SELENOT: variants seen among roughly 807,000 people sequenced by gnomAD.
SELENOT encodes thioredoxin reductase-like selenoprotein T.
In SELENOT, 9 loss-of-function variants were observed where a neutral mutation model predicts 24.3. The observed-to-expected ratio is 0.37, with a 90% CI of 0.22 to 0.65. The LOEUF (loss-of-function observed/expected upper bound fraction) is 0.65. Ranked by LOEUF, SELENOT falls within the 30% of genes least tolerant of loss-of-function variation. The probability of loss-of-function intolerance (pLI) is 0.60; values close to 1 mark genes in which losing one functional copy is unlikely to be tolerated. For missense variants in SELENOT, 166 were observed against 247.6 expected (o/e 0.67, Z 2.21); for synonymous variants, 81 against 86.0 (o/e 0.94, Z 0.32).
At chr3:150,611,466 T>C (rs906416083) in intron 1 of SELENOT, 14 of 1,189,174 alleles carry the variant, frequency 1.2e-5, no homozygotes, top group African/African-American at 1.0e-4. Flanking sequence ...TTACTTGTAA[T>C]TGGTATAAAT....
At position 150,603,427 on chromosome 3, in the gene SELENOT, A is replaced by G. The variant is rs552692190; in HGVS notation, c.65A>G (p.Asn22Ser). 31 of 1,613,388 alleles carry G rather than the reference A, an allele frequency of 1.9e-5. No homozygotes were observed. The highest frequency in any genetic ancestry group is 1.6e-4 in the African/African-American group (12 of 75,048). Residue 22 changes from asparagine (N) to serine (S), a missense_variant, in exon 1 of 6, where the codon AAT becomes AGT. Physicochemically the swap from Asn to Ser is conservative, Grantham distance 46. Around this residue, in one of 5 missense-constraint regions of SELENOT, gnomAD observed 46 missense variants for 49.3 expected, o/e 0.93. Coordinates refer to ENST00000471696, the MANE Select transcript of SELENOT (RefSeq NM_016275.5). ...SAMVRSEASANLGGVPSKRLK... is the reference protein window; with the variant it reads ...SAMVRSEASASLGGVPSKRLK... ...ATGGTCCGGAGCGAGGCCTCGGCCA[A>G]TCTGGGCGGCGTGCCCAGCAAGAGA...
chr3:150,604,993 C>T (rs964637289), intron 1 of SELENOT, among the ~76,000 whole-genome samples: 3 of 146,288 alleles, frequency 2.1e-5, no homozygotes, highest in African/African-American at 7.6e-5. Flanking sequence ...GCCGAGAACG[C>T]GCCATTGCAC....
chr3:150,612,631 T>C (rs1030860049), intron 1 of SELENOT, among the ~76,000 whole-genome samples: 1 of 152,218 alleles, frequency 6.6e-6, no homozygotes, highest in Non-Finnish European at 1.5e-5. Context: ...AATAAGAATA[T>C]AGCTAGCTAG....
intron 2 of SELENOT, among the ~76,000 whole-genome samples, chr3:150,622,806 AAAT>A (rs1726370112): frequency 6.6e-6 from 1 of 152,170 alleles, no homozygotes. Flanking sequence ...GTATTTCATA[AAAT>A]AATAGTATTT....
In SELENOT at chr3:150,623,102, G is replaced by A. The variant is rs1206723559; in HGVS notation, c.308G>A (p.Gly103Asp). Residue 103 changes from glycine (G) to aspartate (D), a missense_variant, in exon 3 of 6, where the codon GGC (glycine) becomes GAC (aspartate). Gly to Asp is a moderately conservative substitution (Grantham distance 94, BLOSUM62 -1). This residue lies in a region of SELENOT where 71 missense variants were observed against 89.2 expected (regional missense o/e 0.80). Coordinates refer to ENST00000471696, the MANE Select transcript of SELENOT (RefSeq NM_016275.5). ...KLVLIGLIIV[G>D]KDPFAFFGMQ... is the part of the protein sequence containing the mutation. ...GTATTAATAGGCTTAATAATTGTTGGCAAGGATCCTTTTGCTTTCTTTGGC... is the reference window on the plus strand; with the variant it reads ...GTATTAATAGGCTTAATAATTGTTGACAAGGATCCTTTTGCTTTCTTTGGC... The A allele has an allele frequency of 3.7e-6, 6 of 1,605,356 alleles. No homozygotes were observed. Among genetic ancestry groups the A allele is most frequent in the Non-Finnish European group, 4.3e-6 (5 of 1,176,298 alleles).
intron 1 of SELENOT, among the ~76,000 whole-genome samples, chr3:150,611,004 C>CGTATGTGTGTGT (rs1726074266): frequency 6.9e-6 from 1 of 145,396 alleles, no homozygotes; most frequent in East Asian, 2.0e-4. Context: ...CATCATGAGT[C>CGTATGTGTGTGT]GTGTGTGTGT....
chr3:150,609,348 T>C (rs1559895286), intron 1 of SELENOT, among the ~76,000 whole-genome samples: 1 of 152,052 alleles, frequency 6.6e-6, no homozygotes, highest in Admixed American at 6.6e-5. Flanking sequence ...ATTCTGTTGA[T>C]GTTTTCTTTT....
intron 1 of SELENOT, chr3:150,611,720 A>T: frequency 6.3e-7 from 1 of 1,579,810 alleles, no homozygotes; most frequent in Non-Finnish European, 8.6e-7. Context: ...CAGGCAGCAC[A>T]GTTGCCAGGA....
At chr3:150,617,903 C>T (rs1488581939) in intron 1 of SELENOT, among the ~76,000 whole-genome samples, 1 of 152,068 alleles carries the variant, frequency 6.6e-6, no homozygotes, top group Non-Finnish European at 1.5e-5. Context: ...TGCTGGAGTG[C>T]AGGAGTGCAG....
intron 4 of SELENOT, among the ~76,000 whole-genome samples, chr3:150,626,137 A>T (rs2108015527): frequency 6.6e-6 from 1 of 152,232 alleles, no homozygotes; most frequent in South Asian, 2.1e-4. Flanking sequence ...CGCCTCCCAA[A>T]GTGCTGGAAT....
At chr3:150,620,155 G>A (rs537429311) in intron 1 of SELENOT, among the ~76,000 whole-genome samples, 29 of 152,288 alleles carry the variant, frequency 1.9e-4, no homozygotes, top group Admixed American at 1.6e-3. Flanking sequence ...ACTATAGGGG[G>A]AATCTGACTG....
intron 1 of SELENOT, among the ~76,000 whole-genome samples, chr3:150,612,443 C>T (rs1430933274): frequency 6.6e-6 from 1 of 152,080 alleles, no homozygotes. Context: ...TAAGACATAT[C>T]CTTTGAGGAT....
intron 1 of SELENOT, among the ~76,000 whole-genome samples, chr3:150,621,130 A>T (rs925129816): frequency 1.3e-5 from 2 of 152,194 alleles, no homozygotes; most frequent in Non-Finnish European, 2.9e-5. Flanking sequence ...GTATTTGGAG[A>T]TTCATAAGTT....
In SELENOT at chr3:150,603,379, T is replaced by C; in HGVS notation, c.17T>C (p.Leu6Pro). Reference sequence around the variant, plus strand: ...TCATTTAAGATGAGGCTTCTGCTGCTTCTCCTAGTGGCGGCGTCTGCGATG... The same window carrying C: ...TCATTTAAGATGAGGCTTCTGCTGCCTCTCCTAGTGGCGGCGTCTGCGATG... MRLLLLLLVAASAMVR... is the reference protein window; with the variant it reads MRLLLPLLVAASAMVR... Residue 6 changes from leucine (L) to proline (P), a missense_variant, in exon 1 of 6, where the codon CTT (leucine) becomes CCT (proline). Physicochemically the swap from Leu to Pro is moderately conservative, Grantham distance 98. Coordinates refer to ENST00000471696, the MANE Select transcript of SELENOT (RefSeq NM_016275.5). The C allele has an allele frequency of 6.2e-7, 1 of 1,612,978 alleles. No homozygotes were observed. Among genetic ancestry groups the C allele is most frequent in the Non-Finnish European group, 8.5e-7 (1 of 1,179,182 alleles).
chr3:150,624,461 A>G (rs1726399818), intron 3 of SELENOT, among the ~76,000 whole-genome samples: 1 of 152,222 alleles, frequency 6.6e-6, no homozygotes, highest in Admixed American at 6.5e-5. Flanking sequence ...TTTGAAACAT[A>G]TACAGGTTGT....
At chr3:150,611,539 C>T (rs1173020123) in intron 1 of SELENOT, 2 of 1,153,270 alleles carry the variant, frequency 1.7e-6, no homozygotes, top group African/African-American at 1.5e-5. Context: ...ACTCCCTTTT[C>T]TCTTTCTTCT....
At chr3:150,616,076 C>A (rs1726205965) in intron 1 of SELENOT, among the ~76,000 whole-genome samples, 1 of 149,120 alleles carries the variant, frequency 6.7e-6, no homozygotes, top group Non-Finnish European at 1.5e-5. Context: ...CTTTGACAAA[C>A]CTGAGAAAAA....
At chr3:150,609,020 C>A (rs767895465) in intron 1 of SELENOT, among the ~76,000 whole-genome samples, 5 of 152,110 alleles carry the variant, frequency 3.3e-5, no homozygotes, top group Non-Finnish European at 7.4e-5. Context: ...CCTAGGACTT[C>A]TAGTATTATG....
At chr3:150,624,129 G>A (rs552280118) in intron 3 of SELENOT, among the ~76,000 whole-genome samples, 1 of 152,212 alleles carries the variant, frequency 6.6e-6, no homozygotes, top group Non-Finnish European at 1.5e-5. Flanking sequence ...CATGAAAATA[G>A]ACTTAACATT....
Sources: allele counts gnomAD v4.1 joint callset (sites outside exome capture counted in the v4.1 genomes callset), GRCh38; gene constraint gnomAD v4.1.1; regional missense constraint gnomAD v4.1.1; transcripts MANE v1.5; gene names NCBI Gene and HGNC (gene_info 2026-07-23, HGNC 2026-07-21).